ITPR2: variants seen among roughly 807,000 people sequenced by gnomAD.
ITPR2 encodes inositol 1,4,5-trisphosphate-gated calcium channel ITPR2.
Under a neutral mutation model 317.1 loss-of-function variants are expected in ITPR2, and 207 were observed. The ratio of observed to expected loss-of-function variants is 0.65; its 90% CI spans 0.58 to 0.73. The LOEUF is 0.73. Among genes scored for constraint, ITPR2 ranks in the 30% least tolerant of loss-of-function variants. The pLI is 0.00. For synonymous variants in ITPR2, 1,156 were observed against 1,149.1 expected, an observed-to-expected ratio of 1.01 and a Z score of -0.12; for missense variants, 2,613 against 3,284.0, an observed-to-expected ratio of 0.80 and a Z score of 4.99.
rs574515556 is a variant in ITPR2, at chr12:26,542,623, A to G, written c.5073+7624T>C. On this transcript the variant is annotated intron_variant, in intron 37 of 56. Coordinates refer to ENST00000381340, the MANE Select transcript of ITPR2 (RefSeq NM_002223.4). ...AAGCTCTTAATAAATGCTAGCTATTAATTTTTAAAACCGTTGCTTAAAACT... is the reference window on the plus strand; with the variant it reads ...AAGCTCTTAATAAATGCTAGCTATTGATTTTTAAAACCGTTGCTTAAAACT... 5.3e-5 allele frequency among the ~76,000 whole-genome samples: 8 copies of G among 152,378 alleles called. No individual in the cohort carries two copies. In the East Asian group the frequency reaches 1.5e-3, roughly 29 times the overall value.
intron 45 of ITPR2, among the ~76,000 whole-genome samples, chr12:26,472,430 A>C (rs935931506): frequency 6.6e-6 from 1 of 151,464 alleles, no homozygotes; most frequent in Non-Finnish European, 1.5e-5. Context: ...CTCTACTTCT[A>C]TATTGGACCT....
chr12:26,670,259 T>G (rs1308090144), intron 13 of ITPR2, among the ~76,000 whole-genome samples: 3 of 152,206 alleles, frequency 2.0e-5, no homozygotes. Flanking sequence ...AGTGGGTCCC[T>G]GACCCCTGAC....
At position 26,658,249 on chromosome 12, in the gene ITPR2, C is replaced by T. The variant is rs1276351850; in HGVS notation, c.1887-119G>A. On this transcript the variant is annotated intron_variant, in intron 16 of 56. Transcript: ENST00000381340. ...CTTATTATATGTTTTAATATTATTT[C>T]CACACAACATTTGTCTAATGTGTTG... The T allele has an allele frequency of 6.6e-6, 4 of 606,034 alleles. No individual in the cohort carries two copies. The African/African-American group carries it at 7.6e-5, about 12-fold the overall frequency. The allele number at this position is 606,034 out of a possible 1,614,324, so 37.5% of individuals were successfully genotyped here.
chr12:26,752,302 T>C (rs944996118), intron 2 of ITPR2, among the ~76,000 whole-genome samples: 2 of 152,204 alleles, frequency 1.3e-5, no homozygotes, highest in African/African-American at 2.4e-5. Context: ...AAAATGAGGC[T>C]GAGACCTACT....
intron 55 of ITPR2, among the ~76,000 whole-genome samples, chr12:26,354,152 T>C (rs1023978952): frequency 6.6e-6 from 1 of 152,052 alleles, no homozygotes. Flanking sequence ...CAGGTGTCTG[T>C]AATCCCAGCT....
chr12:26,814,331 TGCAACCAAAAA>T (rs980452420), intron 1 of ITPR2, among the ~76,000 whole-genome samples: 7 of 152,134 alleles, frequency 4.6e-5, no homozygotes, highest in Non-Finnish European at 8.8e-5. Flanking sequence ...TTCTCACTTT[TGCAACCAAAAA>T]GCACCCTAAC....
intron 45 of ITPR2, among the ~76,000 whole-genome samples, chr12:26,470,873 C>T (rs138815330): frequency 2.4e-4 from 36 of 152,100 alleles, no homozygotes; most frequent in East Asian, 3.9e-4. Context: ...TTAATCATAG[C>T]GTAATTTATA....
intron 35 of ITPR2, 75 bp from the exon 36 acceptor site, chr12:26,556,450 A>C: frequency 3.4e-4 from 475 of 1,405,302 alleles, no homozygotes; most frequent in Non-Finnish European, 4.3e-4. Flanking sequence ...AGACAAGCTC[A>C]AGAATACTAA....
chr12:26,643,205 C>T (rs919609633), intron 21 of ITPR2, among the ~76,000 whole-genome samples: 11 of 152,336 alleles, frequency 7.2e-5, no homozygotes, highest in African/African-American at 2.2e-4. Flanking sequence ...ACTTCCCAGC[C>T]TCCAGAACTG....
chr12:26,365,067 A>G (rs1042468912), intron 55 of ITPR2, among the ~76,000 whole-genome samples: 4 of 152,242 alleles, frequency 2.6e-5, no homozygotes, highest in African/African-American at 9.6e-5. Context: ...ATGAATTGCG[A>G]AGCGAGACTC....
At chr12:26,715,159 T>G (rs973554970) in intron 8 of ITPR2, 140 bp downstream of exon 8, 1 of 698,584 alleles carries the variant, frequency 1.4e-6, no homozygotes, top group African/African-American at 1.8e-5. Flanking sequence ...CAGCAATGAA[T>G]AGGCACAAGT....
At chr12:26,354,636 C>T (rs761454692) in intron 55 of ITPR2, among the ~76,000 whole-genome samples, 2 of 152,030 alleles carry the variant, frequency 1.3e-5, no homozygotes, top group African/African-American at 2.4e-5. Context: ...AAAATTCTAC[C>T]CAGCAAGAGG....
In ITPR2 at chr12:26,603,522, G is replaced by A. The variant is rs1295853426; in HGVS notation, c.3463-816C>T. On this transcript the variant is annotated intron_variant, in intron 26 of 56. Coordinates refer to ENST00000381340, the MANE Select transcript of ITPR2 (RefSeq NM_002223.4). Reference sequence around the variant, plus strand: ...TAGACTATGGTGAATGGATCTAAAAGGGATACAAAGAAGATATGGTCCTTC... The same window carrying A: ...TAGACTATGGTGAATGGATCTAAAAAGGATACAAAGAAGATATGGTCCTTC... Among the ~76,000 whole-genome samples the A allele has an allele frequency of 2.0e-5, 3 of 152,258 alleles. No individual in the cohort carries two copies. The East Asian group carries it at 5.8e-4, about 29-fold the overall frequency.
intron 2 of ITPR2, among the ~76,000 whole-genome samples, chr12:26,783,197 T>C (rs1332813783): frequency 6.6e-6 from 1 of 152,246 alleles, no homozygotes; most frequent in African/African-American, 2.4e-5. Flanking sequence ...TTAGTTCCAA[T>C]TCCTGAAGCA....
chr12:26,588,983 C>T (rs531325141), intron 32 of ITPR2, among the ~76,000 whole-genome samples: 2 of 152,262 alleles, frequency 1.3e-5, no homozygotes, highest in South Asian at 4.1e-4. Context: ...TCTTTACGTG[C>T]CTTCTAATAA....
At position 26,622,476 on chromosome 12, in the gene ITPR2, A is replaced by G. The variant is rs1946522180; in HGVS notation, c.3123-71T>C. ...ATCTACACTTCAGTATTAGAATTGT[A>G]TACGTATTCTCAGAGGTATATCATT... is the stretch of plus-strand genomic sequence containing the variant. On this transcript the variant is annotated intron_variant, in intron 24 of 56. Coordinates refer to ENST00000381340, the MANE Select transcript of ITPR2 (RefSeq NM_002223.4). 6 of 1,197,494 alleles carry G rather than the reference A, an allele frequency of 5.0e-6. No individual in the cohort carries two copies. In the South Asian group the frequency reaches 1.0e-4, roughly 21 times the overall value. 74.2% of individuals were successfully genotyped at this position (1,197,494 alleles called of 1,614,324 possible).
intron 37 of ITPR2, among the ~76,000 whole-genome samples, chr12:26,505,689 C>T (rs1943167563): frequency 6.6e-6 from 1 of 152,096 alleles, no homozygotes; most frequent in South Asian, 2.1e-4. Flanking sequence ...AGGAACTATA[C>T]CTTTCTTTTT....
chr12:26,637,947 C>T (rs11048628), intron 21 of ITPR2, among the ~76,000 whole-genome samples: 7,422 of 152,184 alleles, frequency 0.049, 1,112 homozygotes, highest in East Asian at 0.49. Context: ...TAATAGACTG[C>T]TTACAGATTC....
intron 45 of ITPR2, among the ~76,000 whole-genome samples, chr12:26,458,771 T>C (rs7953812): frequency 0.28 from 43,073 of 152,072 alleles, 6,681 homozygotes; most frequent in East Asian, 0.49. Context: ...GCAGCATCCA[T>C]TTAGGATCTG....
Sources: allele counts gnomAD v4.1 joint callset (sites outside exome capture counted in the v4.1 genomes callset), GRCh38; gene constraint gnomAD v4.1.1; transcripts MANE v1.5; gene names NCBI Gene and HGNC (gene_info 2026-07-23, HGNC 2026-07-21).